The following HMGCLL1 variants were observed in gnomAD, a reference collection of about 807,000 sequenced individuals.
HMGCLL1 encodes the protein 3-hydroxymethyl-3-methylglutaryl-CoA lyase, cytoplasmic.
HMGCLL1 carries 36 observed loss-of-function variants against 39.1 expected under a neutral mutation model. The ratio of observed to expected loss-of-function variants is 0.92; its 90% CI spans 0.71 to 1.22. The LOEUF (loss-of-function observed/expected upper bound fraction) is 1.22, where lower values mean the gene tolerates loss of function less well. Among genes scored for constraint, HMGCLL1 ranks in the 50% most tolerant of loss-of-function variants. The pLI is 0.00. For synonymous variants in HMGCLL1, 149 were observed against 144.0 expected, an observed-to-expected ratio of 1.03 and a Z score of -0.25; for missense variants, 451 against 416.5, an observed-to-expected ratio of 1.08 and a Z score of -0.72.
chr6:55,652,013 C>A, the HMGCLL1 span, among the ~76,000 whole-genome samples: 1 of 152,052 alleles, frequency 6.6e-6, no homozygotes, highest in African/African-American at 2.4e-5. Context: ...CTCCTGCCCT[C>A]CTCAATGACT....
the HMGCLL1 span, among the ~76,000 whole-genome samples, chr6:55,610,429 A>G: frequency 6.6e-6 from 1 of 151,978 alleles, no homozygotes. Flanking sequence ...AGAAGAAAGA[A>G]TATCAGAGCT....
chr6:55,657,949 C>A, the HMGCLL1 span, among the ~76,000 whole-genome samples: 1 of 151,764 alleles, frequency 6.6e-6, no homozygotes, highest in African/African-American at 2.4e-5. Context: ...GGAAAAATAA[C>A]TAATGGGTAC....
the HMGCLL1 span, among the ~76,000 whole-genome samples, chr6:55,635,842 T>C: frequency 6.6e-6 from 1 of 152,128 alleles, no homozygotes; most frequent in Non-Finnish European, 1.5e-5. Context: ...TGACATTGAA[T>C]AAAAAATGTG....
chr6:55,479,541 G>A lies in HMGCLL1; in HGVS notation c.795+15878C>T, dbSNP rs193201650. On this transcript the variant is annotated intron_variant, in intron 7 of 8. Transcript: ENST00000274901. ...CTCTCATCCTACCTTTTTCATTTAT[G>A]TAATCATAAGTGATCTTCATGTAAT... 1.9e-4 allele frequency among the ~76,000 whole-genome samples: 29 copies of A among 151,496 alleles called. 1 individual carries two copies. The highest frequency in any genetic ancestry group is 5.4e-4 in the African/African-American group (22 of 41,016).
chr6:55,481,468 T>C (rs1476159035), intron 7 of HMGCLL1, among the ~76,000 whole-genome samples: 1 of 152,212 alleles, frequency 6.6e-6, no homozygotes, highest in African/African-American at 2.4e-5. Context: ...TTTATCCTTA[T>C]AAAATTATGT....
the HMGCLL1 span, among the ~76,000 whole-genome samples, chr6:55,656,123 T>A: frequency 6.6e-6 from 1 of 152,044 alleles, no homozygotes; most frequent in African/African-American, 2.4e-5. Context: ...CAATATCTCA[T>A]TGGAATCTCA....
At chr6:55,619,366 CT>C in the HMGCLL1 span, among the ~76,000 whole-genome samples, 1 of 151,998 alleles carries the variant, frequency 6.6e-6, no homozygotes, top group Non-Finnish European at 1.5e-5. Flanking sequence ...TTACCATAAA[CT>C]GTTTCTGCAG....
the HMGCLL1 span, among the ~76,000 whole-genome samples, chr6:55,650,090 C>CATATATAT: frequency 9.8e-3 from 511 of 52,110 alleles, 13 homozygotes; most frequent in Non-Finnish European, 0.013. Context: ...CACACATATA[C>CATATATAT]ATATATATAT....
chr6:55,478,851 T>C (rs1765588567), intron 7 of HMGCLL1, among the ~76,000 whole-genome samples: 1 of 144,988 alleles, frequency 6.9e-6, no homozygotes, highest in African/African-American at 2.5e-5. Flanking sequence ...GAATTTCACA[T>C]CATTTTTTTT....
At chr6:55,664,861 C>T in the HMGCLL1 span, among the ~76,000 whole-genome samples, 1 of 151,644 alleles carries the variant, frequency 6.6e-6, no homozygotes, top group Non-Finnish European at 1.5e-5. Flanking sequence ...ATGGCAAATC[C>T]TCACTACATG....
At chr6:55,514,268 T>C in intron 4 of HMGCLL1, 72 bp from the exon 5 acceptor site, 1 of 1,173,632 alleles carries the variant, frequency 8.5e-7, no homozygotes. Flanking sequence ...GAATAAAGAT[T>C]AACTACTCTA....
At chr6:55,505,868 C>T (rs565952457) in intron 5 of HMGCLL1, among the ~76,000 whole-genome samples, 168 of 151,728 alleles carry the variant, frequency 1.1e-3, no homozygotes, top group South Asian at 4.0e-3. Flanking sequence ...AATGGCATAA[C>T]CTCCTTCAGC....
chr6:55,585,204 C>A, the HMGCLL1 span, among the ~76,000 whole-genome samples: 2 of 152,178 alleles, frequency 1.3e-5, no homozygotes, highest in Admixed American at 6.6e-5. Context: ...TGATGAGTAC[C>A]TGGCAGCAAA....
chr6:55,642,020 C>T, the HMGCLL1 span, among the ~76,000 whole-genome samples: 1 of 139,902 alleles, frequency 7.1e-6, no homozygotes, highest in Non-Finnish European at 1.6e-5. Flanking sequence ...AACTCGTCAT[C>T]TAGCATTAGG....
At chr6:55,664,781 A>G in the HMGCLL1 span, among the ~76,000 whole-genome samples, 1 of 151,704 alleles carries the variant, frequency 6.6e-6, no homozygotes, top group African/African-American at 2.4e-5. Flanking sequence ...GCTAAAGGAT[A>G]CACTTCCAAT....
At chr6:55,660,325 GCCTAGTAC>G in the HMGCLL1 span, among the ~76,000 whole-genome samples, 1 of 151,674 alleles carries the variant, frequency 6.6e-6, no homozygotes, top group Admixed American at 6.6e-5. Context: ...CGGGTACTAA[GCCTAGTAC>G]CCAATAATTG....
At chr6:55,589,371 C>A in the HMGCLL1 span, among the ~76,000 whole-genome samples, 755 of 152,242 alleles carry the variant, frequency 5.0e-3, 8 homozygotes, top group African/African-American at 0.017. Context: ...GCTAAAAACT[C>A]TCAATAAATT....
intron 1 of HMGCLL1, 124 bp downstream of exon 1, chr6:55,578,824 G>T (rs548797111): frequency 1.1e-5 from 8 of 702,552 alleles, no homozygotes; most frequent in South Asian, 6.5e-5. Flanking sequence ...CAGAACTGCT[G>T]CGGGAAGGGT....
intron 7 of HMGCLL1, among the ~76,000 whole-genome samples, chr6:55,451,762 T>A (rs1443251611): frequency 6.6e-6 from 1 of 152,178 alleles, no homozygotes; most frequent in Admixed American, 6.6e-5. Context: ...TAAATGTTAA[T>A]AAGTTTTTTT....
Sources: gnomAD v4.1 joint callset for allele counts (sites outside exome capture counted in the v4.1 genomes callset) on GRCh38, gnomAD v4.1.1 for gene constraint, MANE v1.5 for transcripts, NCBI Gene and HGNC (gene_info 2026-07-23, HGNC 2026-07-21) for gene names.